The following CNTNAP2 variants were observed in gnomAD, a reference collection of about 807,000 sequenced individuals.
CNTNAP2 encodes contactin associated protein 2, also known as contactin-associated protein-like 2.
In CNTNAP2, 98 loss-of-function variants were observed where a neutral mutation model predicts 155.2. The ratio of observed to expected loss-of-function variants is 0.63; its 90% confidence interval spans 0.54 to 0.75. The LOEUF is 0.75. CNTNAP2 is among the 30% of genes least tolerant of loss of function. CNTNAP2 has a pLI of 0.00. For synonymous variants in CNTNAP2, 651 were observed against 631.2 expected, an observed-to-expected ratio of 1.03 and a Z score of -0.47; for missense variants, 1,727 against 1,688.1, an observed-to-expected ratio of 1.02 and a Z score of -0.40.
At chr7:146,721,801 C>A (rs1801331661) in intron 1 of CNTNAP2, among the ~76,000 whole-genome samples, 1 of 109,164 alleles carries the variant, frequency 9.2e-6, no homozygotes, top group South Asian at 2.6e-4. Flanking sequence ...CATATATAGA[C>A]TATATATAGT....
chr7:148,196,255 A>T (rs1374691391), intron 18 of CNTNAP2, among the ~76,000 whole-genome samples: 1 of 152,246 alleles, frequency 6.6e-6, no homozygotes, highest in Admixed American at 6.5e-5. Flanking sequence ...AAGACTCAGC[A>T]TGGGAAACTA....
At chr7:147,943,836 T>C (rs985662486) in intron 14 of CNTNAP2, among the ~76,000 whole-genome samples, 1 of 147,232 alleles carries the variant, frequency 6.8e-6, no homozygotes, top group African/African-American at 2.5e-5. Context: ...TTCATGAGTC[T>C]GCTTACTCTT....
intron 1 of CNTNAP2, among the ~76,000 whole-genome samples, chr7:146,500,903 T>TA (rs1360910986): frequency 6.6e-6 from 1 of 152,196 alleles, no homozygotes; most frequent in Non-Finnish European, 1.5e-5. Context: ...CCTCTATTCT[T>TA]AGTTTGTTGA....
chr7:146,797,279 T>G (rs539654838), intron 2 of CNTNAP2, among the ~76,000 whole-genome samples: 9 of 152,126 alleles, frequency 5.9e-5, no homozygotes, highest in African/African-American at 9.7e-5. Flanking sequence ...AACAGACAAA[T>G]TGGCATGTGT....
intron 9 of CNTNAP2, among the ~76,000 whole-genome samples, chr7:147,383,875 C>T (rs1339984346): frequency 6.6e-6 from 1 of 151,994 alleles, no homozygotes; most frequent in Admixed American, 6.6e-5. Context: ...CACACAAACA[C>T]AGCCCCCCCA....
At chr7:148,325,525 C>T (rs1193747742) in intron 21 of CNTNAP2, among the ~76,000 whole-genome samples, 1 of 152,184 alleles carries the variant, frequency 6.6e-6, no homozygotes, top group East Asian at 1.9e-4. Flanking sequence ...ACTCTCAGTT[C>T]CAATAGAAAA....
chr7:147,187,148 A>G (rs1802582969), intron 8 of CNTNAP2, among the ~76,000 whole-genome samples: 1 of 152,162 alleles, frequency 6.6e-6, no homozygotes, highest in Non-Finnish European at 1.5e-5. Context: ...TGGAGAGTAT[A>G]GTTAAGCCAC....
chr7:147,937,579 T>C (rs1168979468), intron 14 of CNTNAP2, among the ~76,000 whole-genome samples: 1 of 152,152 alleles, frequency 6.6e-6, no homozygotes, highest in Non-Finnish European at 1.5e-5. Context: ...ACCCACATTC[T>C]TATTCTCTCT....
chr7:147,330,900 A>G (rs1056310186), intron 9 of CNTNAP2, among the ~76,000 whole-genome samples: 2 of 152,192 alleles, frequency 1.3e-5, no homozygotes, highest in African/African-American at 4.8e-5. Flanking sequence ...ATCTAAGGAC[A>G]TTATGGAAAG....
chr7:147,815,560 T>C (rs909283287), intron 13 of CNTNAP2, among the ~76,000 whole-genome samples: 4 of 152,140 alleles, frequency 2.6e-5, no homozygotes, highest in Admixed American at 2.0e-4. Context: ...CAGAGAACAC[T>C]CTCTACTTTT....
At chr7:146,881,863 A>G (rs980415846) in intron 3 of CNTNAP2, among the ~76,000 whole-genome samples, 1 of 151,518 alleles carries the variant, frequency 6.6e-6, no homozygotes, top group African/African-American at 2.4e-5. Flanking sequence ...TTTGCTACAA[A>G]GGTATATTGC....
chr7:146,667,760 G>C (rs1469956796), intron 1 of CNTNAP2, among the ~76,000 whole-genome samples: 4 of 150,426 alleles, frequency 2.7e-5, no homozygotes, highest in Non-Finnish European at 5.9e-5. Context: ...CTGTCTTCTT[G>C]ATCTCTTTTT....
intron 9 of CNTNAP2, among the ~76,000 whole-genome samples, chr7:147,353,909 T>A (rs1351853250): frequency 1.3e-5 from 2 of 152,196 alleles, no homozygotes; most frequent in Non-Finnish European, 2.9e-5. Flanking sequence ...GATGAGCTTT[T>A]TTCATGTTTG....
chr7:147,742,304 T>C (rs774892670), intron 13 of CNTNAP2, among the ~76,000 whole-genome samples: 1 of 152,246 alleles, frequency 6.6e-6, no homozygotes. Context: ...TGAAAACATT[T>C]GAATGCATGA....
intron 8 of CNTNAP2, among the ~76,000 whole-genome samples, chr7:147,232,423 T>C (rs926985893): frequency 6.6e-6 from 1 of 152,182 alleles, no homozygotes; most frequent in Non-Finnish European, 1.5e-5. Context: ...GGCATCACAG[T>C]CCTTGCTTTC....
At chr7:146,343,590 A>G (rs567034251) in intron 1 of CNTNAP2, among the ~76,000 whole-genome samples, 136 of 152,286 alleles carry the variant, frequency 8.9e-4, no homozygotes, top group African/African-American at 3.2e-3. Flanking sequence ...TTGCAGTAAT[A>G]CTTGAAACAT....
chr7:147,671,382 G>A (rs911561536), intron 13 of CNTNAP2, among the ~76,000 whole-genome samples: 3 of 152,160 alleles, frequency 2.0e-5, no homozygotes, highest in African/African-American at 7.2e-5. Flanking sequence ...TTCTTGAAAA[G>A]GCTGCAGCTC....
At chr7:148,161,810 A>G (rs1483782466) in intron 17 of CNTNAP2, among the ~76,000 whole-genome samples, 1 of 152,190 alleles carries the variant, frequency 6.6e-6, no homozygotes, top group East Asian at 1.9e-4. Flanking sequence ...CCCTCCTTGA[A>G]ATCTTGACAT....
chr7:148,184,780 A>C (rs1191863458), intron 18 of CNTNAP2, among the ~76,000 whole-genome samples: 1 of 152,238 alleles, frequency 6.6e-6, no homozygotes, highest in Non-Finnish European at 1.5e-5. Flanking sequence ...TTTCAACATT[A>C]TTAAAAACCA....
Sources: gnomAD v4.1 joint callset for allele counts (sites outside exome capture counted in the v4.1 genomes callset) on GRCh38, gnomAD v4.1.1 for gene constraint, MANE v1.5 for transcripts, NCBI Gene and HGNC (gene_info 2026-07-23, HGNC 2026-07-21) for gene names.